Variants in UNC5D observed in about 807,000 individuals in gnomAD.
UNC5D encodes the protein netrin receptor UNC5D.
In UNC5D, 39 loss-of-function variants were observed where a neutral mutation model predicts 105.4. The observed-to-expected ratio is 0.37, with a 90% CI of 0.29 to 0.48. The LOEUF is 0.48. UNC5D is among the 20% of genes least tolerant of loss of function. UNC5D has a pLI of 0.98. For synonymous variants in UNC5D, 452 were observed against 450.4 expected, an observed-to-expected ratio of 1.00 and a Z score of -0.04; for missense variants, 991 against 1,202.4, an observed-to-expected ratio of 0.82 and a Z score of 2.60.
chr8:35,307,978 C>T (rs1392360561), intron 1 of UNC5D, among the ~76,000 whole-genome samples: 4 of 152,058 alleles, frequency 2.6e-5, no homozygotes, highest in South Asian at 2.1e-4. Flanking sequence ...CTGTGATAAT[C>T]GACTTCTCAT....
chr8:35,461,355 C>A (rs900553007), intron 1 of UNC5D, among the ~76,000 whole-genome samples: 1 of 152,128 alleles, frequency 6.6e-6, no homozygotes. Flanking sequence ...TGTTCGGAAT[C>A]TCTTACTTCT....
intron 1 of UNC5D, among the ~76,000 whole-genome samples, chr8:35,272,893 G>C (rs1805517839): frequency 6.6e-6 from 1 of 152,206 alleles, no homozygotes; most frequent in African/African-American, 2.4e-5. Context: ...AGTGGGACTT[G>C]AATACTTATT....
chr8:35,606,200 C>T (rs1820282405), intron 4 of UNC5D, among the ~76,000 whole-genome samples: 1 of 151,966 alleles, frequency 6.6e-6, no homozygotes, highest in Non-Finnish European at 1.5e-5. Context: ...ATTGGCCAGG[C>T]TCATCTCTAA....
intron 1 of UNC5D, among the ~76,000 whole-genome samples, chr8:35,504,037 G>A (rs1812148118): frequency 1.3e-5 from 2 of 152,168 alleles, no homozygotes; most frequent in South Asian, 4.1e-4. Flanking sequence ...ATTAACTATA[G>A]GCCTGGAAGG....
intron 4 of UNC5D, among the ~76,000 whole-genome samples, chr8:35,603,383 T>C (rs1335513519): frequency 2.0e-5 from 3 of 152,246 alleles, no homozygotes; most frequent in Non-Finnish European, 4.4e-5. Flanking sequence ...TGAGTTCTAG[T>C]TTGATTGCAC....
At chr8:35,688,164 A>C (rs555098414) in intron 7 of UNC5D, among the ~76,000 whole-genome samples, 19 of 151,862 alleles carry the variant, frequency 1.3e-4, no homozygotes, top group Admixed American at 2.6e-4. Context: ...ACAACAACAA[A>C]AAAAAACACA....
intron 11 of UNC5D, among the ~76,000 whole-genome samples, chr8:35,747,940 GTAGCTGTCTACTGTGC>G (rs377391786): frequency 6.6e-6 from 1 of 152,318 alleles, no homozygotes; most frequent in African/African-American, 2.4e-5. Context: ...ATGCACACTT[GTAGCTGTCTACTGTGC>G]TATTGCTATA....
intron 1 of UNC5D, among the ~76,000 whole-genome samples, chr8:35,370,569 T>G (rs1187929123): frequency 1.3e-5 from 2 of 152,214 alleles, no homozygotes; most frequent in African/African-American, 2.4e-5. Context: ...TGTTTGAATG[T>G]TGTATATATT....
intron 1 of UNC5D, among the ~76,000 whole-genome samples, chr8:35,406,196 A>T (rs888787154): frequency 6.6e-6 from 1 of 152,182 alleles, no homozygotes; most frequent in African/African-American, 2.4e-5. Flanking sequence ...AAGGCCTTTA[A>T]AAATAACTGA....
At chr8:35,513,011 T>C (rs1382101353) in intron 1 of UNC5D, among the ~76,000 whole-genome samples, 1 of 151,190 alleles carries the variant, frequency 6.6e-6, no homozygotes, top group Admixed American at 6.6e-5. Flanking sequence ...CTTCCTCTTC[T>C]CTGTAGCTTC....
chr8:35,410,151 T>C (rs1805071304), intron 1 of UNC5D, among the ~76,000 whole-genome samples: 2 of 152,014 alleles, frequency 1.3e-5, no homozygotes, highest in Admixed American at 1.3e-4. Flanking sequence ...ATCTAGTAAC[T>C]CACATGAGCA....
intron 1 of UNC5D, among the ~76,000 whole-genome samples, chr8:35,286,653 T>C (rs1280648329): frequency 1.3e-5 from 2 of 152,140 alleles, no homozygotes; most frequent in Non-Finnish European, 2.9e-5. Context: ...TCTCATTATG[T>C]CTTCCCCAAA....
intron 1 of UNC5D, among the ~76,000 whole-genome samples, chr8:35,409,882 A>G (rs1023646401): frequency 1.3e-5 from 2 of 151,460 alleles, no homozygotes; most frequent in African/African-American, 4.8e-5. Flanking sequence ...TCAGCAGTCC[A>G]TTTTGAGTCA....
chr8:35,349,165 G>A (rs976325251), intron 1 of UNC5D, among the ~76,000 whole-genome samples: 2 of 151,874 alleles, frequency 1.3e-5, no homozygotes, highest in African/African-American at 4.8e-5. Flanking sequence ...AAAGGAAGGA[G>A]TTTTTTAACA....
At chr8:35,502,991 G>A (rs1812069567) in intron 1 of UNC5D, among the ~76,000 whole-genome samples, 1 of 152,202 alleles carries the variant, frequency 6.6e-6, no homozygotes. Flanking sequence ...CCAGGAGCAT[G>A]AATATCACTT....
intron 11 of UNC5D, among the ~76,000 whole-genome samples, chr8:35,731,466 A>ATC (rs1342010551): frequency 6.6e-6 from 1 of 151,728 alleles, no homozygotes; most frequent in Non-Finnish European, 1.5e-5. Flanking sequence ...TCTGTAGAAA[A>ATC]TCTGAAACTA....
intron 7 of UNC5D, among the ~76,000 whole-genome samples, chr8:35,698,029 C>A (rs1337749062): frequency 6.6e-6 from 1 of 152,148 alleles, no homozygotes; most frequent in East Asian, 1.9e-4. Flanking sequence ...GAACAACCAA[C>A]CCTTGACACA....
intron 16 of UNC5D, among the ~76,000 whole-genome samples, chr8:35,778,713 C>G (rs765536036): frequency 1.3e-5 from 2 of 152,198 alleles, no homozygotes; most frequent in Admixed American, 1.3e-4. Context: ...GTCCTCAAAT[C>G]ATTAAGGAAA....
intron 7 of UNC5D, among the ~76,000 whole-genome samples, chr8:35,703,855 G>T (rs1442567800): frequency 6.6e-6 from 1 of 152,112 alleles, no homozygotes; most frequent in Non-Finnish European, 1.5e-5. Flanking sequence ...TGCCAGCCTC[G>T]CTGTGCCCCA....
Sources: allele counts gnomAD v4.1 joint callset (sites outside exome capture counted in the v4.1 genomes callset), GRCh38; gene constraint gnomAD v4.1.1; transcripts MANE v1.5; gene names NCBI Gene and HGNC (gene_info 2026-07-23, HGNC 2026-07-21).